CCSER2: variants seen among roughly 807,000 people sequenced by gnomAD.
CCSER2 encodes serine-rich coiled-coil domain-containing protein 2.
A neutral mutation model predicts 92.3 loss-of-function variants in CCSER2; 46 were observed. The observed-to-expected ratio is 0.50, with a 90% CI of 0.39 to 0.64. The LOEUF (loss-of-function observed/expected upper bound fraction) is 0.64. Ranked by LOEUF, CCSER2 falls within the 30% of genes least tolerant of loss-of-function variation. The pLI, the probability that CCSER2 is intolerant of heterozygous loss-of-function variation, is 0.00. For synonymous variants in CCSER2, 433 were observed against 431.4 expected, an observed-to-expected ratio of 1.00 and a Z score of -0.04; for missense variants, 1,244 against 1,238.9, an observed-to-expected ratio of 1.00 and a Z score of -0.06.
chr10:84,511,612 G>T (rs2131881668), intron 9 of CCSER2, among the ~76,000 whole-genome samples: 1 of 152,262 alleles, frequency 6.6e-6, no homozygotes, highest in South Asian at 2.1e-4. Context: ...ATGTTTGAGG[G>T]TGAAAAGGAA....
chr10:84,371,805 A>G lies in CCSER2; in HGVS notation c.753A>G (p.Thr251=). ...SHSFNRAVDL[T]KPYQNQQLSI... is the part of the protein sequence containing the mutation. ...CCTTTAATAGAGCTGTGGATCTTACAAAGCCTTATCAGAACCAACAGCTAT... is the reference window on the plus strand; with the variant it reads ...CCTTTAATAGAGCTGTGGATCTTACGAAGCCTTATCAGAACCAACAGCTAT... The change falls in exon 2 of 10, where the codon ACA becomes ACG. Residue 251 remains threonine, a synonymous_variant. Transcript: ENST00000372088. 1 of 1,613,908 alleles carries G rather than the reference A, an allele frequency of 6.2e-7. No homozygotes were observed. Among genetic ancestry groups the G allele is most frequent in the Non-Finnish European group, 8.5e-7 (1 of 1,179,864 alleles).
chr10:84,423,838 A>G (rs1007782425), intron 4 of CCSER2, among the ~76,000 whole-genome samples: 2 of 152,152 alleles, frequency 1.3e-5, no homozygotes, highest in Non-Finnish European at 2.9e-5. Flanking sequence ...TAAAGGCACT[A>G]AGCTAAAAGC....
At chr10:84,347,570 G>A (rs1245851982) in intron 1 of CCSER2, among the ~76,000 whole-genome samples, 3 of 146,668 alleles carry the variant, frequency 2.0e-5, no homozygotes, top group Non-Finnish European at 3.0e-5. Context: ...CACCTCCCTC[G>A]CGGACGGGGC....
At chr10:84,362,893 A>G (rs896772202) in intron 1 of CCSER2, among the ~76,000 whole-genome samples, 1 of 151,774 alleles carries the variant, frequency 6.6e-6, no homozygotes, top group Non-Finnish European at 1.5e-5. Context: ...CTGGAGTGCA[A>G]TGGCGCAATC....
At chr10:84,503,471 T>C (rs1417442024) in intron 9 of CCSER2, among the ~76,000 whole-genome samples, 1 of 152,220 alleles carries the variant, frequency 6.6e-6, no homozygotes, top group Non-Finnish European at 1.5e-5. Flanking sequence ...GTGTAGTCTT[T>C]CTACTCTAAT....
At chr10:84,483,995 A>ATATATATATATATATATATATG (rs1564711747) in intron 9 of CCSER2, among the ~76,000 whole-genome samples, 2 of 72,358 alleles carry the variant, frequency 2.8e-5, no homozygotes, top group Non-Finnish European at 4.7e-5. Flanking sequence ...ATATATATAT[A>ATATATATATATATATATATATG]TAATTTTTTT....
intron 4 of CCSER2, among the ~76,000 whole-genome samples, chr10:84,424,176 G>A (rs933282385): frequency 6.6e-6 from 1 of 151,436 alleles, no homozygotes; most frequent in Non-Finnish European, 1.5e-5. Context: ...ACCTTCTCGA[G>A]ATGATTACTT....
chr10:84,515,016 G>A lies in CCSER2; in HGVS notation c.*749G>A, dbSNP rs1359294995. 6.6e-6 allele frequency: 1 copy of A among 152,556 alleles called. No homozygotes were observed. The highest frequency in any genetic ancestry group is 1.5e-5 in the Non-Finnish European group (1 of 68,034). The allele number at this position is 152,556 out of a possible 1,614,324, so 9.5% of individuals were successfully genotyped here. ...CATTTATGTTTGTATTTGTTACTGG[G>A]TAAATTTTGGAGCGCTTGAGATACA... On this transcript the variant is annotated 3_prime_UTR_variant, in exon 10 of 10. Coordinates refer to ENST00000372088, the MANE Select transcript of CCSER2 (RefSeq NM_001284240.2).
chr10:84,475,944 CA>C (rs1179674267), intron 8 of CCSER2, among the ~76,000 whole-genome samples: 3 of 152,004 alleles, frequency 2.0e-5, no homozygotes, highest in African/African-American at 7.3e-5. Context: ...GTGATCCTCT[CA>C]CTCAACCTCC....
intron 5 of CCSER2, among the ~76,000 whole-genome samples, chr10:84,429,188 G>A (rs1843622663): frequency 6.6e-6 from 1 of 151,988 alleles, no homozygotes. Flanking sequence ...ATGTTTTGTA[G>A]TATTGACCAG....
chr10:84,419,349 C>A (rs1292512917), intron 4 of CCSER2, among the ~76,000 whole-genome samples: 1 of 112,056 alleles, frequency 8.9e-6, no homozygotes, highest in Non-Finnish European at 2.0e-5. Flanking sequence ...AAACCAGCTC[C>A]CTTCTCAAAA....
chr10:84,371,855 G>A lies in CCSER2; in HGVS notation c.803G>A (p.Ser268Asn), dbSNP rs1258464265. 2.5e-6 allele frequency: 4 copies of A among 1,613,802 alleles called. No homozygotes were observed. Among genetic ancestry groups the A allele is most frequent in the Non-Finnish European group, 3.4e-6 (4 of 1,179,898 alleles). The change falls in exon 2 of 10, where the codon AGT (serine) becomes AAT (asparagine). Residue 268 changes from serine (S) to asparagine (N), a missense_variant. By Grantham distance (46) the Ser-to-Asn change is conservative. Coordinates refer to ENST00000372088, the MANE Select transcript of CCSER2 (RefSeq NM_001284240.2). ...QLSIRVPLRS[S>N]MLTRNSRQPE... The stretch of plus-strand genomic sequence containing the variant: ...TCCATTAGAGTGCCTCTACGGTCAA[G>A]TATGCTAACAAGAAATTCCCGGCAG...
intron 9 of CCSER2, among the ~76,000 whole-genome samples, chr10:84,482,101 G>C (rs1207266672): frequency 6.6e-6 from 1 of 151,886 alleles, no homozygotes. Context: ...AATAAGTAAA[G>C]GGCAAGTCAG....
At chr10:84,335,757 G>A (rs1843804378) in intron 1 of CCSER2, among the ~76,000 whole-genome samples, 1 of 152,176 alleles carries the variant, frequency 6.6e-6, no homozygotes, top group South Asian at 2.1e-4. Context: ...CAGCCTGAGT[G>A]CTTTAGGGCA....
chr10:84,348,207 T>C (rs1205987181), intron 1 of CCSER2, among the ~76,000 whole-genome samples: 1 of 152,148 alleles, frequency 6.6e-6, no homozygotes, highest in Non-Finnish European at 1.5e-5. Flanking sequence ...TCCCAGCACC[T>C]CGGGAGGCCG....
At chr10:84,431,949 A>G (rs1411240128) in intron 5 of CCSER2, among the ~76,000 whole-genome samples, 1 of 152,176 alleles carries the variant, frequency 6.6e-6, no homozygotes, top group African/African-American at 2.4e-5. Flanking sequence ...TCATATGGGA[A>G]GCATATGTTT....
chr10:84,350,375 A>T (rs1380083899), intron 1 of CCSER2, among the ~76,000 whole-genome samples: 2 of 145,178 alleles, frequency 1.4e-5, no homozygotes, highest in Non-Finnish European at 3.1e-5. Context: ...GTAATTATTT[A>T]ATTGTTTTTT....
intron 9 of CCSER2, among the ~76,000 whole-genome samples, chr10:84,496,286 C>CTTTCTTT (rs1343707639): frequency 7.4e-4 from 113 of 152,184 alleles, no homozygotes; most frequent in African/African-American, 2.6e-3. Flanking sequence ...CCAGTCCTCC[C>CTTTCTTT]TTTCTTTTTT....
intron 2 of CCSER2, among the ~76,000 whole-genome samples, chr10:84,372,923 T>C (rs1238500131): frequency 6.6e-6 from 1 of 152,164 alleles, no homozygotes; most frequent in Non-Finnish European, 1.5e-5. Flanking sequence ...AGAAAATTCT[T>C]CTTGTTTAGC....
Sources: allele counts gnomAD v4.1 joint callset (sites outside exome capture counted in the v4.1 genomes callset), GRCh38; gene constraint gnomAD v4.1.1; transcripts MANE v1.5; gene names NCBI Gene and HGNC (gene_info 2026-07-23, HGNC 2026-07-21).